The following CAMSAP1 variants were observed in gnomAD, a reference collection of about 807,000 sequenced individuals.
CAMSAP1 encodes calmodulin regulated spectrin associated protein 1.
A neutral mutation model predicts 143.5 loss-of-function variants in CAMSAP1; 58 were observed. That is an observed-to-expected ratio of 0.40 (90% CI 0.33 to 0.50). CAMSAP1 has a LOEUF of 0.50. Ranked by LOEUF, CAMSAP1 falls within the 20% of genes least tolerant of loss-of-function variation. The pLI is 0.45. For synonymous variants in CAMSAP1, 945 were observed against 859.3 expected, an observed-to-expected ratio of 1.10 and a Z score of -1.74; for missense variants, 1,969 against 2,115.7, an observed-to-expected ratio of 0.93 and a Z score of 1.36.
intron 4 of CAMSAP1, chr9:135,865,380 G>A (rs761410001): frequency 1.9e-6 from 3 of 1,550,636 alleles, no homozygotes; most frequent in Admixed American, 2.0e-5. Context: ...CAGGAAGCGA[G>A]AGAAGGAAGG....
At chr9:135,836,716 T>A (rs996268404) in intron 7 of CAMSAP1, 2 of 982,972 alleles carry the variant, frequency 2.0e-6, no homozygotes, top group Admixed American at 6.2e-5. Flanking sequence ...CAGACACACA[T>A]CACCACGCAC....
At chr9:135,897,795 C>T (rs998026455) in intron 1 of CAMSAP1, among the ~76,000 whole-genome samples, 8 of 152,120 alleles carry the variant, frequency 5.3e-5, no homozygotes, top group Non-Finnish European at 1.0e-4. Context: ...GAACAGCATG[C>T]GATTTAAAAC....
intron 7 of CAMSAP1, among the ~76,000 whole-genome samples, chr9:135,848,862 C>A (rs1836671095): frequency 6.6e-6 from 1 of 152,220 alleles, no homozygotes; most frequent in African/African-American, 2.4e-5. Flanking sequence ...GCTTGCTGAG[C>A]CAAAGGGCAG....
chr9:135,810,258 C>T lies in CAMSAP1; in HGVS notation c.*1051G>A, dbSNP rs1167179267. The stretch of plus-strand genomic sequence containing the variant: ...AATTGTTTTTAAATAGGCAACAAAA[C>T]AAAAGTATCCATCTACAGGGGAAAC... On this transcript the variant is annotated 3_prime_UTR_variant, in exon 17 of 17. Coordinates refer to ENST00000389532, the MANE Select transcript of CAMSAP1 (RefSeq NM_015447.4). 6.6e-6 allele frequency: 1 copy of T among 152,154 alleles called. No homozygotes were observed. Among genetic ancestry groups the T allele is most frequent in the Non-Finnish European group, 1.5e-5 (1 of 68,016 alleles). The allele number at this position is 152,154 out of a possible 1,614,324, so 9.4% of individuals were successfully genotyped here.
rs1281020106 is a variant in CAMSAP1 at position 135,822,042 on chromosome 9, G to A, written c.2619C>T (p.Leu873=). ...GCAGCTGTACCAGCTCAGATGCCAG[G>A]AGGCTGGCGGGATCCTTGCCATGCT... ...PSQHGKDPAS[L]LASELVQLHM... Residue 873 remains leucine, a synonymous_variant, in exon 11 of 17, where the codon CTC becomes CTT. Coordinates refer to ENST00000389532, the MANE Select transcript of CAMSAP1 (RefSeq NM_015447.4). The surrounding 1 kb of genome is among the most constrained non-coding windows in gnomAD (Gnocchi z 6.1). 2.6e-5 allele frequency: 42 copies of A among 1,612,494 alleles called. No individual in the cohort carries two copies. The highest frequency in any genetic ancestry group is 3.5e-5 in the Non-Finnish European group (41 of 1,179,462).
chr9:135,867,878 G>T (rs1469937061), intron 3 of CAMSAP1, among the ~76,000 whole-genome samples: 1 of 152,226 alleles, frequency 6.6e-6, no homozygotes, highest in African/African-American at 2.4e-5. Flanking sequence ...ATGCCAGGCA[G>T]GGGCCCTGCA....
intron 3 of CAMSAP1, among the ~76,000 whole-genome samples, chr9:135,875,839 G>C (rs1180777031): frequency 2.0e-5 from 3 of 152,140 alleles, no homozygotes; most frequent in African/African-American, 7.2e-5. Flanking sequence ...ACGTCTAGAA[G>C]AAAACATAGG....
intron 5 of CAMSAP1, among the ~76,000 whole-genome samples, chr9:135,861,594 A>C (rs914972663): frequency 2.6e-5 from 4 of 152,158 alleles, no homozygotes; most frequent in Non-Finnish European, 5.9e-5. Context: ...ATGAGCCACC[A>C]TATCCAGCCT....
rs565635073 is a variant in CAMSAP1, at chr9:135,818,683, C to T, written c.3960-67G>A. On this transcript the variant is annotated intron_variant, in intron 12 of 16. Transcript: ENST00000389532. This position sits in a 1 kb window ranked among gnomAD's most constrained non-coding sequence, Gnocchi z 7.7. The stretch of plus-strand genomic sequence containing the variant: ...TTCTTCCACGACGCCTGCGCCGCGG[C>T]GCTCTGTCCAGGCGCGTTTCTCGGG... 50 of 1,544,498 alleles carry T rather than the reference C, an allele frequency of 3.2e-5. No individual in the cohort carries two copies. In the East Asian group the frequency reaches 1.1e-3, roughly 34 times the overall value.
intron 7 of CAMSAP1, among the ~76,000 whole-genome samples, chr9:135,830,306 C>T (rs1371048103): frequency 6.6e-6 from 1 of 152,238 alleles, no homozygotes; most frequent in Non-Finnish European, 1.5e-5. Flanking sequence ...CAACAGTATA[C>T]TGCCTACAGG....
intron 4 of CAMSAP1, among the ~76,000 whole-genome samples, chr9:135,864,451 C>T (rs1002359332): frequency 5.1e-4 from 78 of 152,304 alleles, no homozygotes; most frequent in African/African-American, 1.8e-3. Flanking sequence ...CCGCTGCTAT[C>T]GCCTCGAGGA....
chr9:135,836,124 C>A (rs1235836113), intron 7 of CAMSAP1: 1 of 985,342 alleles, frequency 1.0e-6, no homozygotes, highest in Non-Finnish European at 1.2e-6. Flanking sequence ...CTGGGGCAGA[C>A]TTCCTGCCCA....
chr9:135,823,362 C>CCTG, intron 10 of CAMSAP1, 102 bp from the exon 11 acceptor site: 1 of 1,263,452 alleles, frequency 7.9e-7, no homozygotes, highest in South Asian at 1.7e-5. Flanking sequence ...GAGAATACGC[C>CCTG]TCTCATATGC....
chr9:135,886,061 TAA>T (rs35789822), intron 1 of CAMSAP1, among the ~76,000 whole-genome samples: 18 of 146,034 alleles, frequency 1.2e-4, no homozygotes, highest in South Asian at 2.2e-4. Context: ...AATACCTACT[TAA>T]AAAAAAAAAA....
chr9:135,814,524 C>T (rs1156389577), intron 16 of CAMSAP1, among the ~76,000 whole-genome samples: 5 of 152,220 alleles, frequency 3.3e-5, no homozygotes, highest in African/African-American at 7.2e-5. Context: ...GCAGGACCCT[C>T]AGATTCCTGC....
intron 7 of CAMSAP1, among the ~76,000 whole-genome samples, chr9:135,837,994 A>AC (rs1056622391): frequency 7.6e-6 from 1 of 132,070 alleles, no homozygotes; most frequent in Non-Finnish European, 1.6e-5. Context: ...CACGCTTTCT[A>AC]CCCCTTCTAC....
At chr9:135,856,069 TAAAAC>T (rs1836958226) in intron 5 of CAMSAP1, among the ~76,000 whole-genome samples, 1 of 151,894 alleles carries the variant, frequency 6.6e-6, no homozygotes, top group Non-Finnish European at 1.5e-5. Flanking sequence ...CACAAAAAAA[TAAAAC>T]AAAAACAAAA....
intron 7 of CAMSAP1, among the ~76,000 whole-genome samples, chr9:135,846,627 C>A (rs1836561772): frequency 6.7e-6 from 1 of 149,166 alleles, no homozygotes. Flanking sequence ...TGCAATCTAT[C>A]CAACTGACAA....
Position 135,864,085 on chromosome 9 carries a change from C to T in CAMSAP1, c.667-1477G>A, listed in dbSNP as rs1390653908. ...CTTTCCCAGGCCTTTCCACACTTCTCCTCACTGACCTATTTACTGAACACT... is the reference window on the plus strand; with the variant it reads ...CTTTCCCAGGCCTTTCCACACTTCTTCTCACTGACCTATTTACTGAACACT... On this transcript the variant is annotated intron_variant, in intron 4 of 16. Transcript: ENST00000389532. 1.3e-5 allele frequency among the ~76,000 whole-genome samples: 2 copies of T among 152,176 alleles called. 1 individual carries two copies. Among genetic ancestry groups the T allele is most frequent in the Non-Finnish European group, 2.9e-5 (2 of 68,040 alleles).
Sources: gnomAD v4.1 joint callset for allele counts (sites outside exome capture counted in the v4.1 genomes callset) on GRCh38, gnomAD v4.1.1 for gene constraint, Gnocchi (gnomAD v3.1) non-coding constraint, MANE v1.5 for transcripts, NCBI Gene and HGNC (gene_info 2026-07-23, HGNC 2026-07-21) for gene names.